Variants in DOT1L observed in about 807,000 individuals in gnomAD.
DOT1L encodes the protein histone-lysine N-methyltransferase, H3 lysine-79 specific.
DOT1L carries 33 observed loss-of-function variants against 153.3 expected under a neutral mutation model. That is an observed-to-expected ratio of 0.22 (90% CI 0.16 to 0.29). The LOEUF is 0.29. Ranked by LOEUF, DOT1L falls within the 10% of genes least tolerant of loss-of-function variation. DOT1L has a pLI of 1.00. For missense variants in DOT1L, 1,847 were observed against 2,119.9 expected (o/e 0.87, Z 2.53); for synonymous variants, 1,135 against 965.1 (o/e 1.18, Z -3.26).
intron 1 of DOT1L, among the ~76,000 whole-genome samples, chr19:2,171,882 ACAAGTGGGGCTTCC>A (rs1175113183): frequency 6.6e-6 from 1 of 152,228 alleles, no homozygotes; most frequent in Non-Finnish European, 1.5e-5. Context: ...CGCGGCAGTT[ACAAGTGGGGCTTCC>A]TGGAGAAAAG....
rs775254506 is a variant in DOT1L at position 2,227,956 on chromosome 19, G to C, written c.4606+829G>C. 8.9e-5 allele frequency: 111 copies of C among 1,244,636 alleles called. No homozygotes were observed. The South Asian group carries it at 1.4e-3, about 16-fold the overall frequency. 77.1% of individuals were successfully genotyped at this position (1,244,636 alleles called of 1,614,324 possible). On this transcript the variant is annotated intron_variant, in intron 27 of 27. Transcript: ENST00000398665. ...CCGCTGCCCCCGCCTGCGCACCTGG[G>C]CCGGTCCCCCGCGGGGCCGCCCGTC...
intron 1 of DOT1L, among the ~76,000 whole-genome samples, chr19:2,167,689 C>G (rs1273223228): frequency 6.6e-6 from 1 of 151,226 alleles, no homozygotes; most frequent in African/African-American, 2.4e-5. Flanking sequence ...AGGAATTTTG[C>G]TTTCTCACAA....
At chr19:2,170,513 CTG>C (rs1163717762) in intron 1 of DOT1L, among the ~76,000 whole-genome samples, 1 of 152,146 alleles carries the variant, frequency 6.6e-6, no homozygotes, top group Non-Finnish European at 1.5e-5. Flanking sequence ...TTCATCAGTT[CTG>C]TGTTTCCTAC....
chr19:2,187,100 A>G (rs2022546679), intron 3 of DOT1L, among the ~76,000 whole-genome samples: 1 of 152,130 alleles, frequency 6.6e-6, no homozygotes, highest in South Asian at 2.1e-4. Context: ...TAAGCTTCTT[A>G]CCGCAGCTTG....
intron 1 of DOT1L, among the ~76,000 whole-genome samples, chr19:2,165,844 C>T (rs910143729): frequency 4.6e-5 from 7 of 151,710 alleles, no homozygotes; most frequent in African/African-American, 1.7e-4. Flanking sequence ...TCTCGGCTCG[C>T]TGCAAGCTCC....
At chr19:2,164,336 C>T (rs1225724950) in intron 1 of DOT1L, 71 bp downstream of exon 1, 10 of 1,075,192 alleles carry the variant, frequency 9.3e-6, no homozygotes, top group East Asian at 3.4e-5. Context: ...ACACCCCAAA[C>T]CCCCCCAAGC....
chr19:2,229,381 G>A (rs909388911), intron 27 of DOT1L: 38 of 985,472 alleles, frequency 3.9e-5, no homozygotes, highest in Non-Finnish European at 4.5e-5. Flanking sequence ...AGCCCACCGG[G>A]CAAGGAGAGG....
chr19:2,169,373 T>C (rs1209549351), intron 1 of DOT1L, among the ~76,000 whole-genome samples: 1 of 152,134 alleles, frequency 6.6e-6, no homozygotes, highest in African/African-American at 2.4e-5. Flanking sequence ...ACCCAAGTGT[T>C]CCGTTTTATA....
At chr19:2,171,934 A>G (rs1489276691) in intron 1 of DOT1L, among the ~76,000 whole-genome samples, 2 of 152,208 alleles carry the variant, frequency 1.3e-5, no homozygotes, top group Non-Finnish European at 2.9e-5. Flanking sequence ...TTGGAATCAC[A>G]GAAGTGATTG....
chr19:2,195,389 C>A (rs1384263838), intron 7 of DOT1L, among the ~76,000 whole-genome samples: 1 of 152,138 alleles, frequency 6.6e-6, no homozygotes, highest in Non-Finnish European at 1.5e-5. Context: ...TGCTCAGGCG[C>A]TCACCTGTGG....
In DOT1L at chr19:2,217,393, A is replaced by C. The variant is rs1361704966; in HGVS notation, c.2544+303A>C. 6.6e-6 allele frequency among the ~76,000 whole-genome samples: 1 copy of C among 152,130 alleles called. No homozygotes were observed. Among genetic ancestry groups the C allele is most frequent in the Non-Finnish European group, 1.5e-5 (1 of 67,998 alleles). The stretch of plus-strand genomic sequence containing the variant: ...AGCCCAGTTTGGGAGGCCGCTGCCC[A>C]TGAGGACTTCCCCGGGGGCACTGGC... On this transcript the variant is annotated intron_variant, in intron 21 of 27. Coordinates refer to ENST00000398665, the MANE Select transcript of DOT1L (RefSeq NM_032482.3). The surrounding 1 kb of genome is among the most constrained non-coding windows in gnomAD (Gnocchi z 7.3).
intron 23 of DOT1L, 44 bp from the exon 24 acceptor site, chr19:2,221,932 T>C (rs1251257009): frequency 2.6e-6 from 4 of 1,531,704 alleles, no homozygotes; most frequent in Non-Finnish European, 2.6e-6. Context: ...GCTTTCTCTT[T>C]GGCCATCCTG....
At position 2,216,471 on chromosome 19, in the gene DOT1L, G is replaced by C. The variant is rs2023904706; in HGVS notation, c.2114G>C (p.Ser705Thr). 8.1e-6 allele frequency: 13 copies of C among 1,612,584 alleles called. No individual in the cohort carries two copies. Among genetic ancestry groups the C allele is most frequent in the Non-Finnish European group, 1.1e-5 (13 of 1,179,968 alleles). Residue 705 changes from serine to threonine, a missense_variant, in exon 20 of 28, where the codon AGC becomes ACC. Ser to Thr is a moderately conservative substitution (Grantham distance 58). Around this residue, in one of 8 missense-constraint regions of DOT1L, gnomAD observed 281 missense variants for 263.6 expected, o/e 1.07. Coordinates refer to ENST00000398665, the MANE Select transcript of DOT1L (RefSeq NM_032482.3). Reference protein sequence around the residue: ...DCTKFSLPHLSSMSPELSMNG... With the variant: ...DCTKFSLPHLTSMSPELSMNG... ...ACCAAGTTCTCGCTGCCTCACTTGAGCAGCATGAGCCCGGAGCTCTCCATG... is the reference window on the plus strand; with the variant it reads ...ACCAAGTTCTCGCTGCCTCACTTGACCAGCATGAGCCCGGAGCTCTCCATG...
Position 2,228,965 on chromosome 19 carries a change from G to A in DOT1L, c.4607-820G>A, listed in dbSNP as rs111290677. The A allele has an allele frequency of 3.3e-3, 3,216 of 985,388 alleles. 72 individuals carry two copies. The African/African-American group carries it at 0.05, about 15-fold the overall frequency. The allele number at this position is 985,388 out of a possible 1,614,324, so 61.0% of individuals were successfully genotyped here. A position where few individuals can be genotyped will look rare whatever the true frequency, so the allele number is the denominator to read the frequency against. On this transcript the variant is annotated intron_variant, in intron 27 of 27. Transcript: ENST00000398665. ...GCCTGGGGGCTGATGGGTTCCCGGC[G>A]GGGTCGAGAGGCAAGCTCTGTGCCC...
intron 1 of DOT1L, among the ~76,000 whole-genome samples, chr19:2,164,920 T>G (rs1024519507): frequency 3.3e-5 from 5 of 152,188 alleles, no homozygotes; most frequent in African/African-American, 7.2e-5. Context: ...CCTTGGAAAT[T>G]GGGACTTCTC....
rs1334290389 is a variant in DOT1L at position 2,207,904 on chromosome 19, G to A, written c.963+224G>A. Among the ~76,000 whole-genome samples, 4 of 152,182 alleles carry A rather than the reference G, an allele frequency of 2.6e-5. No homozygotes were observed. The highest frequency in any genetic ancestry group is 3.9e-4 in the East Asian group (2 of 5,146). On this transcript the variant is annotated intron_variant, in intron 11 of 27. Coordinates refer to ENST00000398665, the MANE Select transcript of DOT1L (RefSeq NM_032482.3). The surrounding 1 kb of genome is among the most constrained non-coding windows in gnomAD (Gnocchi z 4.5). Reference sequence around the variant, plus strand: ...CAGGCACTGGGCGTGTCCTGGGTGAGGGCTGAGTGCTGTCTCCCCTAGTCT... The same window carrying A: ...CAGGCACTGGGCGTGTCCTGGGTGAAGGCTGAGTGCTGTCTCCCCTAGTCT...
rs113604385 is a variant in DOT1L at position 2,208,619 on chromosome 19, C to A, written c.964-316C>A. ...CTCGCCTTCTCCTCTGAGGCGGGCG[C>A]GGTTCTTCTGTGCAGAAAGCCCTCC... On this transcript the variant is annotated intron_variant, in intron 11 of 27. Transcript: ENST00000398665. This position sits in a 1 kb window ranked among gnomAD's most constrained non-coding sequence, Gnocchi z 4.4. Among the ~76,000 whole-genome samples the A allele has an allele frequency of 6.6e-5, 10 of 152,308 alleles. No individual in the cohort carries two copies. The highest frequency in any genetic ancestry group is 2.4e-4 in the African/African-American group (10 of 41,560).
chr19:2,170,734 T>C (rs2021572153), intron 1 of DOT1L, among the ~76,000 whole-genome samples: 1 of 152,152 alleles, frequency 6.6e-6, no homozygotes, highest in African/African-American at 2.4e-5. Flanking sequence ...CCTCAGTGGC[T>C]CACAGAACTC....
Position 2,226,243 on chromosome 19 carries a change from G to T in DOT1L, c.3722G>T (p.Trp1241Leu). 6.4e-7 allele frequency: 1 copy of T among 1,563,162 alleles called. No individual in the cohort carries two copies. Among genetic ancestry groups the T allele is most frequent in the Non-Finnish European group, 8.7e-7 (1 of 1,153,396 alleles). Reference sequence around the variant, plus strand: ...GGCGAGCCAGTCAATAGCAGCAAGTGGAAGTCCACCTTCTCGCCCATCTCC... The same window carrying T: ...GGCGAGCCAGTCAATAGCAGCAAGTTGAAGTCCACCTTCTCGCCCATCTCC... ...PAGEPVNSSK[W>L]KSTFSPISDI... The change falls in exon 27 of 28, where the codon TGG becomes TTG. Residue 1241 changes from tryptophan to leucine, a missense_variant. Trp to Leu is a moderately conservative substitution (Grantham distance 61). This residue lies in a region of DOT1L where 934 missense variants were observed against 825.3 expected (regional missense o/e 1.13). Coordinates refer to ENST00000398665, the MANE Select transcript of DOT1L (RefSeq NM_032482.3).
Sources: gnomAD v4.1 joint callset for allele counts (sites outside exome capture counted in the v4.1 genomes callset) on GRCh38, gnomAD v4.1.1 for gene constraint, gnomAD v4.1.1 regional missense constraint, Gnocchi (gnomAD v3.1) non-coding constraint, MANE v1.5 for transcripts, NCBI Gene and HGNC (gene_info 2026-07-23, HGNC 2026-07-21) for gene names.